The following FAM184A variants were observed in gnomAD, a reference collection of about 807,000 sequenced individuals.
The protein encoded by FAM184A is family with sequence similarity 184 member A, also known as protein FAM184A.
FAM184A carries 99 observed loss-of-function variants against 143.8 expected under a neutral mutation model. The observed-to-expected ratio is 0.69, with a 90% CI of 0.58 to 0.81. The LOEUF is 0.81. Ranked by LOEUF, FAM184A falls within the 40% of genes least tolerant of loss-of-function variation. FAM184A has a pLI of 0.00. For missense variants in FAM184A, 1,217 were observed against 1,310.5 expected (o/e 0.93, Z 1.10); for synonymous variants, 427 against 446.4 (o/e 0.96, Z 0.55).
chr6:118,991,524 T>C (rs990872821), intron 9 of FAM184A, among the ~76,000 whole-genome samples: 9 of 152,004 alleles, frequency 5.9e-5, no homozygotes, highest in African/African-American at 2.2e-4. Flanking sequence ...GAGATAACTT[T>C]GGGGAAAGAG....
At chr6:119,104,861 C>G (rs7745120) in intron 1 of FAM184A, among the ~76,000 whole-genome samples, 2 of 152,158 alleles carry the variant, frequency 1.3e-5, no homozygotes, top group South Asian at 4.1e-4. Context: ...AGTGATAAGT[C>G]ATTTTGATAG....
chr6:119,039,194 T>C (rs1459390322), intron 1 of FAM184A, among the ~76,000 whole-genome samples: 1 of 152,240 alleles, frequency 6.6e-6, no homozygotes, highest in Admixed American at 6.5e-5. Context: ...CTCTCATTTA[T>C]TGCTTGTGAG....
chr6:119,082,341 C>T (rs891515244), upstream of FAM184A, among the ~76,000 whole-genome samples: 4 of 152,218 alleles, frequency 2.6e-5, no homozygotes, highest in African/African-American at 9.6e-5. Flanking sequence ...ATCCTTCTAA[C>T]ATTTCAAAAC....
rs1185626156 is a variant in FAM184A, at chr6:119,016,906, A to G, written c.1371T>C (p.Tyr457=). 1 of 1,613,534 alleles carries G rather than the reference A, an allele frequency of 6.2e-7. No homozygotes were observed. The highest frequency in any genetic ancestry group is 2.2e-5 in the East Asian group (1 of 44,866). ...TTTGCAGGTTTTTAAGTTCCCTTTC[A>G]TAATATTCTTGCTGAGTTCTCTTTG... ...NEAKRTQQEY[Y]ERELKNLQSR... is the part of the protein sequence containing the mutation. Residue 457 remains tyrosine (Y), a synonymous_variant, in exon 5 of 18, where the codon TAT becomes TAC. Transcript: ENST00000338891.
At chr6:119,035,587 G>C (rs368906950) in intron 1 of FAM184A, among the ~76,000 whole-genome samples, 1 of 152,098 alleles carries the variant, frequency 6.6e-6, no homozygotes, top group Non-Finnish European at 1.5e-5. Context: ...TCCCTGATCC[G>C]GGAGAGAATT....
chr6:119,128,624 T>C (rs140942579), intron 1 of FAM184A, among the ~76,000 whole-genome samples: 1 of 151,328 alleles, frequency 6.6e-6, no homozygotes, highest in African/African-American at 2.4e-5. Context: ...AAAGGGTGAG[T>C]GGGGAGGGAA....
At chr6:119,084,367 G>A (rs1388049082) in intron 1 of FAM184A, among the ~76,000 whole-genome samples, 1 of 152,188 alleles carries the variant, frequency 6.6e-6, no homozygotes, top group Admixed American at 6.5e-5. Flanking sequence ...TTTTGAGTTT[G>A]AAACCCAGCA....
intron 1 of FAM184A, among the ~76,000 whole-genome samples, chr6:119,098,451 CA>C (rs1308126249): frequency 3.9e-5 from 6 of 152,132 alleles, no homozygotes; most frequent in African/African-American, 1.4e-4. Context: ...GTCTTACAAG[CA>C]AGACTTTTTA....
At chr6:119,042,183 T>C (rs1213637463) in intron 1 of FAM184A, among the ~76,000 whole-genome samples, 1 of 152,104 alleles carries the variant, frequency 6.6e-6, no homozygotes, top group Non-Finnish European at 1.5e-5. Flanking sequence ...CGGGGGTACA[T>C]GGTAAGATCG....
chr6:119,061,865 C>T (rs1228371391), intron 1 of FAM184A, among the ~76,000 whole-genome samples: 3 of 152,064 alleles, frequency 2.0e-5, no homozygotes, highest in Non-Finnish European at 2.9e-5. Context: ...TGTATCAAAA[C>T]ATCATACGTA....
intron 1 of FAM184A, among the ~76,000 whole-genome samples, chr6:119,035,081 G>A (rs552795908): frequency 6.6e-6 from 1 of 152,086 alleles, no homozygotes; most frequent in African/African-American, 2.4e-5. Flanking sequence ...TCACAACTAC[G>A]GAAGGATTTT....
chr6:119,126,616 C>G (rs1244445909), intron 1 of FAM184A, among the ~76,000 whole-genome samples: 1 of 152,160 alleles, frequency 6.6e-6, no homozygotes, highest in African/African-American at 2.4e-5. Context: ...TCCTGAAGCC[C>G]CAGAAGGAGT....
intron 12 of FAM184A, among the ~76,000 whole-genome samples, 164 bp from the exon 13 acceptor site, chr6:118,975,372 T>G (rs917101646): frequency 2.0e-5 from 3 of 152,210 alleles, no homozygotes; most frequent in African/African-American, 7.2e-5. Flanking sequence ...GCCTGTTCTC[T>G]TTCCACACAT....
intron 1 of FAM184A, among the ~76,000 whole-genome samples, chr6:119,097,329 A>G (rs915640757): frequency 2.0e-5 from 3 of 152,152 alleles, no homozygotes; most frequent in South Asian, 2.1e-4. Context: ...GTTCTTTTAT[A>G]AAAAGAACAA....
At chr6:119,040,705 C>T (rs1457758080) in intron 1 of FAM184A, among the ~76,000 whole-genome samples, 1 of 152,150 alleles carries the variant, frequency 6.6e-6, no homozygotes. Context: ...TCATAACTCA[C>T]CAAGTGCTTT....
intron 1 of FAM184A, among the ~76,000 whole-genome samples, chr6:119,037,467 T>G (rs754001413): frequency 2.4e-4 from 37 of 152,300 alleles, no homozygotes; most frequent in Non-Finnish European, 4.4e-4. Context: ...CACCTGGCTT[T>G]GATAATAGTT....
At chr6:119,059,621 C>A (rs945523746) in intron 1 of FAM184A, among the ~76,000 whole-genome samples, 3 of 152,152 alleles carry the variant, frequency 2.0e-5, no homozygotes, top group African/African-American at 7.2e-5. Context: ...CAGTTTTTCA[C>A]CCTTTCTTCC....
chr6:119,068,755 TTACCCGCTC>T (rs1787564559), intron 1 of FAM184A, among the ~76,000 whole-genome samples: 1 of 152,114 alleles, frequency 6.6e-6, no homozygotes, highest in Admixed American at 6.5e-5. Context: ...AAATTTCCTT[TTACCCGCTC>T]TACCCCCCAG....
chr6:119,028,184 C>G (rs193263226), intron 1 of FAM184A, among the ~76,000 whole-genome samples: 3 of 152,342 alleles, frequency 2.0e-5, no homozygotes, highest in East Asian at 1.9e-4. Context: ...TGGTCCCCCC[C>G]TGCTTAGCAC....
Sources: allele counts gnomAD v4.1 joint callset (sites outside exome capture counted in the v4.1 genomes callset), GRCh38; gene constraint gnomAD v4.1.1; transcripts MANE v1.5; gene names NCBI Gene and HGNC (gene_info 2026-07-23, HGNC 2026-07-21).